The following NBAS variants were observed in gnomAD, a reference collection of about 807,000 sequenced individuals.
The protein encoded by NBAS is NBAS subunit of NRZ tethering complex.
NBAS carries 219 observed loss-of-function variants against 302.5 expected under a neutral mutation model. The observed-to-expected ratio is 0.72, with a 90% confidence interval of 0.65 to 0.81. The LOEUF is 0.81. Ranked by LOEUF, NBAS falls within the 30% of genes least tolerant of loss-of-function variation. The probability of loss-of-function intolerance (pLI) is 0.00; values close to 1 mark genes in which losing one functional copy is unlikely to be tolerated. For missense variants in NBAS, 2,932 were observed against 2,841.6 expected (o/e 1.03, Z -0.72); for synonymous variants, 1,118 against 1,021.6 (o/e 1.09, Z -1.80).
chr2:15,496,902 C>G (rs1572931111), intron 11 of NBAS, among the ~76,000 whole-genome samples: 1 of 151,894 alleles, frequency 6.6e-6, no homozygotes, highest in African/African-American at 2.4e-5. Context: ...ACAGAGTGCT[C>G]TAAGAGAGAA....
the NBAS span, among the ~76,000 whole-genome samples, chr2:14,863,462 AG>A: frequency 2.0e-5 from 3 of 152,212 alleles, no homozygotes; most frequent in Admixed American, 2.0e-4. Context: ...TCCATTGTCC[AG>A]GAGAAGAATG....
chr2:14,795,844 T>C, the NBAS span, among the ~76,000 whole-genome samples: 8 of 152,274 alleles, frequency 5.3e-5, no homozygotes, highest in African/African-American at 1.9e-4. Context: ...TCTGCAGATA[T>C]TGCAAACATC....
chr2:14,847,952 C>A, the NBAS span, among the ~76,000 whole-genome samples: 1 of 152,164 alleles, frequency 6.6e-6, no homozygotes, highest in East Asian at 1.9e-4. Context: ...CAATGGAATA[C>A]AACTAGAAAT....
the NBAS span, among the ~76,000 whole-genome samples, chr2:15,105,936 T>G: frequency 0.017 from 2,621 of 152,250 alleles, 78 homozygotes; most frequent in African/African-American, 0.06. Flanking sequence ...CGATTCCCTT[T>G]CGCCTTGAGC....
chr2:15,490,870 C>T (rs1680826458), intron 11 of NBAS, among the ~76,000 whole-genome samples: 1 of 152,118 alleles, frequency 6.6e-6, no homozygotes, highest in Admixed American at 6.5e-5. Flanking sequence ...TTTTGACCAC[C>T]TGAATAATTA....
intron 10 of NBAS, among the ~76,000 whole-genome samples, chr2:15,510,359 AAGAC>A (rs1376157374): frequency 1.3e-5 from 2 of 152,206 alleles, no homozygotes; most frequent in Non-Finnish European, 2.9e-5. Context: ...CTTCTGGTCT[AAGAC>A]AGTAAAAAGT....
the NBAS span, among the ~76,000 whole-genome samples, chr2:14,925,636 C>T: frequency 6.6e-6 from 1 of 152,266 alleles, no homozygotes; most frequent in South Asian, 2.1e-4. Flanking sequence ...TTGCATTCAT[C>T]ATTCAAAGTC....
chr2:15,419,205 G>A (rs546907286), intron 23 of NBAS, among the ~76,000 whole-genome samples: 6 of 152,268 alleles, frequency 3.9e-5, no homozygotes, highest in African/African-American at 1.4e-4. Flanking sequence ...ACAAGAAAAA[G>A]AATATAACAG....
At chr2:15,164,706 C>T (rs1011534775), downstream of NBAS, among the ~76,000 whole-genome samples, 3 of 152,168 alleles carry the variant, frequency 2.0e-5, no homozygotes, top group Admixed American at 2.0e-4. Context: ...CATCTTACTC[C>T]TTCATCTAAC....
At position 15,190,295 on chromosome 2, in the gene NBAS, G is replaced by T. The variant is rs750325697; in HGVS notation, c.6541C>A (p.Gln2181Lys). The T allele has an allele frequency of 6.2e-7, 1 of 1,613,868 alleles. No homozygotes were observed. The highest frequency in any genetic ancestry group is 1.1e-5 in the South Asian group (1 of 91,060). Reference protein sequence around the residue: ...AEFQHLVLLLQAWPPMKSEYV... With the variant: ...AEFQHLVLLLKAWPPMKSEYV... ...TCACTTTTCATAGGTGGCCAAGCTT[G>T]CAAAAGTAAAACCAAGTGCTGAAAT... The change falls in exon 49 of 52, where the codon CAA becomes AAA. Residue 2181 changes from glutamine to lysine, a missense_variant. Coordinates refer to ENST00000281513, the MANE Select transcript of NBAS (RefSeq NM_015909.4).
chr2:15,119,817 C>T, the NBAS span, among the ~76,000 whole-genome samples: 1 of 152,168 alleles, frequency 6.6e-6, no homozygotes, highest in Non-Finnish European at 1.5e-5. Context: ...CCTGCTGCTT[C>T]ATCACCTTAC....
Position 15,234,642 on chromosome 2 carries a change from T to C in NBAS, c.6049A>G (p.Met2017Val). The C allele has an allele frequency of 6.2e-7, 1 of 1,614,164 alleles. No individual in the cohort carries two copies. Among genetic ancestry groups the C allele is most frequent in the Non-Finnish European group, 8.5e-7 (1 of 1,179,986 alleles). Residue 2017 changes from methionine (M) to valine (V), a missense_variant, in exon 46 of 52, where the codon ATG becomes GTG. Physicochemically the swap from Met to Val is conservative, Grantham distance 21. Transcript: ENST00000281513. ...GCCACCTCTAGCAGCTGCTGAATCA[T>C]TGCTAGAGGCTGACCATCTAAACAA... ...AICLDGQPLAMIQQLLEVAVG... is the reference protein window; with the variant it reads ...AICLDGQPLAVIQQLLEVAVG...
Position 15,266,378 on chromosome 2 carries a change from G to A in NBAS, c.5724+9106C>T, listed in dbSNP as rs111445840. Among the ~76,000 whole-genome samples the A allele has an allele frequency of 9.7e-3, 1,482 of 152,196 alleles. 24 individuals carry two copies. Among genetic ancestry groups the A allele is most frequent in the African/African-American group, 0.034 (1,405 of 41,524 alleles). On this transcript the variant is annotated intron_variant, in intron 44 of 51. Transcript: ENST00000281513. ...ATTAGGATGCCCTTAAGGGGCCCCAGTAATCTTACTACATTTTTCTTGTCT... is the reference window on the plus strand; with the variant it reads ...ATTAGGATGCCCTTAAGGGGCCCCAATAATCTTACTACATTTTTCTTGTCT...
Position 15,234,620 on chromosome 2 carries a change from A to G in NBAS, c.6071T>C (p.Val2024Ala), listed in dbSNP as rs762515966. ...TGAGATGTCAAGAGGGCCAACTGCCACCTCTAGCAGCTGCTGAATCATTGC... is the reference window on the plus strand; with the variant it reads ...TGAGATGTCAAGAGGGCCAACTGCCGCCTCTAGCAGCTGCTGAATCATTGC... The part of the protein sequence containing the change: ...PLAMIQQLLE[V>A]AVGPLDISPK... The change falls in exon 46 of 52, where the codon GTG becomes GCG. Residue 2024 changes from valine to alanine, a missense_variant. By Grantham distance (64) the Val-to-Ala change is moderately conservative. Coordinates refer to ENST00000281513, the MANE Select transcript of NBAS (RefSeq NM_015909.4). 8.7e-6 allele frequency: 14 copies of G among 1,614,142 alleles called. No homozygotes were observed. The East Asian group carries it at 1.8e-4, about 21-fold the overall frequency.
In NBAS at chr2:15,292,642, T is replaced by C; in HGVS notation, c.4922A>G (p.Asp1641Gly). 6.2e-7 allele frequency: 1 copy of C among 1,614,170 alleles called. No individual in the cohort carries two copies. The highest frequency in any genetic ancestry group is 1.1e-5 in the South Asian group (1 of 91,080). ...QLHCYNERLL[D>G]FTQAQILQGL... is the part of the protein sequence containing the mutation. ...CTGAAGGATCTGCGCCTGAGTGAAATCCAGGAGACGTTCATTGTAGCAGTG... is the reference window on the plus strand; with the variant it reads ...CTGAAGGATCTGCGCCTGAGTGAAACCCAGGAGACGTTCATTGTAGCAGTG... Residue 1641 changes from aspartate to glycine, a missense_variant, in exon 41 of 52, where the codon GAT (aspartate) becomes GGT (glycine). Physicochemically the swap from Asp to Gly is moderately conservative, Grantham distance 94. Coordinates refer to ENST00000281513, the MANE Select transcript of NBAS (RefSeq NM_015909.4).
intron 23 of NBAS, among the ~76,000 whole-genome samples, chr2:15,421,446 ATTC>A (rs1168072878): frequency 6.6e-6 from 1 of 152,298 alleles, no homozygotes; most frequent in South Asian, 2.1e-4. Flanking sequence ...GCCAGATAAA[ATTC>A]ACCACAATAA....
At chr2:14,976,705 TG>T in the NBAS span, among the ~76,000 whole-genome samples, 1 of 152,232 alleles carries the variant, frequency 6.6e-6, no homozygotes, top group African/African-American at 2.4e-5. Flanking sequence ...CTGGAATAGC[TG>T]GGTGGGCCCT....
the NBAS span, among the ~76,000 whole-genome samples, chr2:14,799,102 T>C: frequency 6.6e-6 from 1 of 152,010 alleles, no homozygotes; most frequent in African/African-American, 2.4e-5. Context: ...TTCTGAATAC[T>C]ATTTATTCTT....
chr2:14,785,191 G>A, the NBAS span, among the ~76,000 whole-genome samples: 1 of 152,154 alleles, frequency 6.6e-6, no homozygotes, highest in Non-Finnish European at 1.5e-5. Flanking sequence ...CTTTGCTGAA[G>A]GTGCTTATCA....
Sources: gnomAD v4.1 joint callset for allele counts (sites outside exome capture counted in the v4.1 genomes callset) on GRCh38, gnomAD v4.1.1 for gene constraint, MANE v1.5 for transcripts, NCBI Gene and HGNC (gene_info 2026-07-23, HGNC 2026-07-21) for gene names.